The following ST6GAL2 variants were observed in gnomAD, a reference collection of about 807,000 sequenced individuals.
The protein encoded by ST6GAL2 is beta-galactoside alpha-2,6-sialyltransferase 2.
A neutral mutation model predicts 37.5 loss-of-function variants in ST6GAL2; 24 were observed. That is an observed-to-expected ratio of 0.64 (90% CI 0.46 to 0.90). ST6GAL2 has a LOEUF of 0.90. Ranked by LOEUF, ST6GAL2 falls within the 40% of genes least tolerant of loss-of-function variation. ST6GAL2 has a pLI of 0.00. For synonymous variants in ST6GAL2, 306 were observed against 295.1 expected, an observed-to-expected ratio of 1.04 and a Z score of -0.38; for missense variants, 715 against 712.7, an observed-to-expected ratio of 1.00 and a Z score of -0.04.
Position 106,833,316 on chromosome 2 carries a change from T to C in ST6GAL2, c.1042-650A>G, listed in dbSNP as rs550600567. On this transcript the variant is annotated intron_variant, in intron 3 of 5. Transcript: ENST00000409382. ...CATTTACCTCCTCCTTTGTAAAAAG[T>C]TGTTATTAAATGAATGGCAGATTTT... 3.3e-5 allele frequency among the ~76,000 whole-genome samples: 5 copies of C among 152,202 alleles called. No homozygotes were observed. In the South Asian group the frequency reaches 1.0e-3, roughly 32 times the overall value.
Position 106,843,700 on chromosome 2 carries a change from G to C in ST6GAL2, c.278C>G (p.Pro93Arg). The change falls in exon 2 of 6, where the codon CCT (proline) becomes CGT (arginine). Residue 93 changes from proline (P) to arginine (R), a missense_variant. Transcript: ENST00000409382. ...AHPAGSFHAG[P>R]GDLQKWAQSQ... ...CTGGGCCCATTTCTGCAGGTCTCCA[G>C]GCCCCGCATGAAAGGAACCGGCTGG... 6.2e-7 allele frequency: 1 copy of C among 1,613,160 alleles called. No individual in the cohort carries two copies.
At position 106,805,812 on chromosome 2, in the gene ST6GAL2, T is replaced by C. The variant is rs1290154196; in HGVS notation, c.*866A>G. The C allele has an allele frequency of 6.6e-6, 1 of 151,658 alleles. No homozygotes were observed. Among genetic ancestry groups the C allele is most frequent in the Non-Finnish European group, 1.5e-5 (1 of 68,042 alleles). The allele number at this position is 151,658 out of a possible 1,614,324, so 9.4% of individuals were successfully genotyped here. On this transcript the variant is annotated 3_prime_UTR_variant, in exon 6 of 6. Coordinates refer to ENST00000409382, the MANE Select transcript of ST6GAL2 (RefSeq NM_001142351.2). Reference sequence around the variant, plus strand: ...CAATTGTCAAGTGTGTCACTGACTATGCAAAAGCTGCAGGGTAGATCTGCA... The same window carrying C: ...CAATTGTCAAGTGTGTCACTGACTACGCAAAAGCTGCAGGGTAGATCTGCA...
chr2:106,884,904 CGCATATATATAT>C lies in ST6GAL2; in HGVS notation c.-58+1177_-58+1188del. ...AAAAGTTTTAACCCTAAATTTGCAGCGCATATATATATATATATATATATATATATACATACA... is the reference window on the plus strand; with the variant it reads ...AAAAGTTTTAACCCTAAATTTGCAGCATATATATATATATATATACATACA... On this transcript the variant is annotated intron_variant, in intron 1 of 5. Coordinates refer to ENST00000409382, the MANE Select transcript of ST6GAL2 (RefSeq NM_001142351.2). 4.9e-5 allele frequency among the ~76,000 whole-genome samples: 2 copies of C among 41,156 alleles called. 1 individual carries two copies. Among genetic ancestry groups the C allele is most frequent in the African/African-American group, 3.6e-4 (2 of 5,630 alleles). The allele number at this position is 41,156 out of a possible 152,430, so 27.0% of individuals were successfully genotyped here.
chr2:106,853,680 TTCTGGG>T (rs756244799), intron 1 of ST6GAL2, among the ~76,000 whole-genome samples: 16 of 152,294 alleles, frequency 1.1e-4, no homozygotes, highest in Middle Eastern at 3.4e-3. Context: ...ACCATTATCT[TTCTGGG>T]TCAGGTCATT....
At chr2:106,867,692 G>A (rs1678091677) in intron 1 of ST6GAL2, among the ~76,000 whole-genome samples, 1 of 152,054 alleles carries the variant, frequency 6.6e-6, no homozygotes, top group Non-Finnish European at 1.5e-5. Context: ...GTGTGGTTAG[G>A]AACCCACCCC....
chr2:106,840,169 T>C (rs1251479884), intron 2 of ST6GAL2, among the ~76,000 whole-genome samples: 1 of 152,232 alleles, frequency 6.6e-6, no homozygotes, highest in Non-Finnish European at 1.5e-5. Context: ...ACTTCCTAGC[T>C]CTGCCTTCAA....
intron 1 of ST6GAL2, among the ~76,000 whole-genome samples, chr2:106,850,575 A>T (rs1677318227): frequency 1.3e-5 from 2 of 152,192 alleles, no homozygotes; most frequent in Admixed American, 6.5e-5. Flanking sequence ...CTCCAAAATG[A>T]TTAAGTCTCA....
chr2:106,881,694 T>C (rs978056679), intron 1 of ST6GAL2, among the ~76,000 whole-genome samples: 1 of 152,186 alleles, frequency 6.6e-6, no homozygotes, highest in Non-Finnish European at 1.5e-5. Flanking sequence ...CTTGAAAAAT[T>C]TGTAGAATTT....
At chr2:106,822,627 A>T (rs1202991453) in intron 5 of ST6GAL2, among the ~76,000 whole-genome samples, 1 of 152,180 alleles carries the variant, frequency 6.6e-6, no homozygotes, top group Non-Finnish European at 1.5e-5. Context: ...GACATTCTTC[A>T]CAGAAACAGA....
At position 106,843,739 on chromosome 2, in the gene ST6GAL2, A is replaced by C; in HGVS notation, c.239T>G (p.Leu80Arg). The C allele has an allele frequency of 6.2e-7, 1 of 1,612,144 alleles. No individual in the cohort carries two copies. The highest frequency in any genetic ancestry group is 1.3e-5 in the African/African-American group (1 of 74,986). Residue 80 changes from leucine to arginine, a missense_variant, in exon 2 of 6, where the codon CTG becomes CGG. By Grantham distance (102) the Leu-to-Arg change is moderately radical. This residue lies in a region of ST6GAL2 where 512 missense variants were observed against 488.8 expected (regional missense o/e 1.05). Coordinates refer to ENST00000409382, the MANE Select transcript of ST6GAL2 (RefSeq NM_001142351.2). Reference sequence around the variant, plus strand: ...GGAACCGGCTGGGTGGGCGCGGGGCAGCGCCTGGCGTGCGTCCAGGCCCCC... The same window carrying C: ...GGAACCGGCTGGGTGGGCGCGGGGCCGCGCCTGGCGTGCGTCCAGGCCCCC... ...PPGGLDARQALPRAHPAGSFH... is the reference protein window; with the variant it reads ...PPGGLDARQARPRAHPAGSFH...
At chr2:106,867,358 T>G (rs1678074422) in intron 1 of ST6GAL2, among the ~76,000 whole-genome samples, 1 of 152,216 alleles carries the variant, frequency 6.6e-6, no homozygotes, top group Non-Finnish European at 1.5e-5. Context: ...GTTGGCAATC[T>G]GGACATGTGA....
intron 5 of ST6GAL2, among the ~76,000 whole-genome samples, chr2:106,816,673 C>T (rs1287586291): frequency 2.0e-5 from 3 of 152,072 alleles, no homozygotes; most frequent in African/African-American, 4.8e-5. Flanking sequence ...GCAAGATGGC[C>T]GAATAGAAGC....
intron 1 of ST6GAL2, among the ~76,000 whole-genome samples, chr2:106,851,217 T>C (rs1215119114): frequency 6.6e-6 from 1 of 152,230 alleles, no homozygotes; most frequent in East Asian, 1.9e-4. Flanking sequence ...TTCTCTGCCC[T>C]TTCTGGCCAG....
intron 5 of ST6GAL2, among the ~76,000 whole-genome samples, chr2:106,817,153 T>A (rs1232781197): frequency 6.6e-6 from 1 of 152,198 alleles, no homozygotes; most frequent in African/African-American, 2.4e-5. Flanking sequence ...CACAAGGACT[T>A]CCATTCCTGG....
At chr2:106,813,467 C>T (rs1315104524) in intron 5 of ST6GAL2, among the ~76,000 whole-genome samples, 2 of 152,116 alleles carry the variant, frequency 1.3e-5, no homozygotes, top group Admixed American at 6.5e-5. Context: ...CAAACTTTAA[C>T]ACATGTTCAG....
chr2:106,825,356 T>C (rs533959135), intron 5 of ST6GAL2, among the ~76,000 whole-genome samples: 1 of 152,254 alleles, frequency 6.6e-6, no homozygotes, highest in South Asian at 2.1e-4. Context: ...TGCAAGTGAG[T>C]CATCTTGGAA....
intron 5 of ST6GAL2, among the ~76,000 whole-genome samples, chr2:106,829,246 G>T (rs1676319435): frequency 6.6e-6 from 1 of 152,180 alleles, no homozygotes; most frequent in South Asian, 2.1e-4. Flanking sequence ...AGTGAGCCCT[G>T]CAGTAACTCT....
intron 1 of ST6GAL2, among the ~76,000 whole-genome samples, chr2:106,849,725 T>A (rs1677283448): frequency 6.6e-6 from 1 of 152,184 alleles, no homozygotes; most frequent in African/African-American, 2.4e-5. Flanking sequence ...TGAGGCGTCA[T>A]CTCTATAACA....
At chr2:106,860,496 G>T (rs1677753763) in intron 1 of ST6GAL2, among the ~76,000 whole-genome samples, 1 of 152,106 alleles carries the variant, frequency 6.6e-6, no homozygotes, top group South Asian at 2.1e-4. Context: ...AGGTACTTGG[G>T]GATGGAGTAC....
Sources: allele counts gnomAD v4.1 joint callset (sites outside exome capture counted in the v4.1 genomes callset), GRCh38; gene constraint gnomAD v4.1.1; regional missense constraint gnomAD v4.1.1; transcripts MANE v1.5; gene names NCBI Gene and HGNC (gene_info 2026-07-23, HGNC 2026-07-21).